Variants in NDST4 observed in about 807,000 individuals in gnomAD.
NDST4 encodes N-heparan sulfate sulfotransferase 4.
In NDST4, 63 loss-of-function variants were observed where a neutral mutation model predicts 100.8. The observed-to-expected ratio is 0.62, with a 90% CI of 0.51 to 0.77. The LOEUF (loss-of-function observed/expected upper bound fraction) is 0.77, where lower values mean the gene tolerates loss of function less well. NDST4 is among the 30% of genes least tolerant of loss of function. The probability of loss-of-function intolerance (pLI) is 0.00; values close to 1 mark genes in which losing one functional copy is unlikely to be tolerated. For synonymous variants in NDST4, 377 were observed against 361.8 expected (o/e 1.04, Z -0.48); for missense variants, 943 against 1,018.4 (o/e 0.93, Z 1.01).
chr4:114,929,723 A>ATTAG (rs1725473399), intron 6 of NDST4, among the ~76,000 whole-genome samples: 3 of 152,248 alleles, frequency 2.0e-5, no homozygotes, highest in Non-Finnish European at 2.9e-5. Context: ...ACATGGAAAT[A>ATTAG]TTAGAAGCCA....
In NDST4 at chr4:115,020,947, C is replaced by T. The variant is rs1385315728; in HGVS notation, c.979-43673G>A. ...GCATGGACGCGGTGAACGGGGAACA[C>T]TTCTACACTGCTGGTGTCAATGTAA... On this transcript the variant is annotated intron_variant, in intron 2 of 13. Transcript: ENST00000264363. Among the ~76,000 whole-genome samples the T allele has an allele frequency of 5.9e-5, 9 of 152,132 alleles. No individual in the cohort carries two copies. The South Asian group carries it at 1.9e-3, about 32-fold the overall frequency.
At chr4:115,103,661 T>A (rs925863172) in intron 1 of NDST4, among the ~76,000 whole-genome samples, 1 of 152,204 alleles carries the variant, frequency 6.6e-6, no homozygotes, top group Non-Finnish European at 1.5e-5. Flanking sequence ...ATTTCACAGG[T>A]AAACCTGCTA....
chr4:115,065,640 T>A (rs1433055737), intron 2 of NDST4, among the ~76,000 whole-genome samples: 2 of 152,084 alleles, frequency 1.3e-5, no homozygotes, highest in Non-Finnish European at 2.9e-5. Flanking sequence ...TTAGTTGGTC[T>A]CCTCAAAACA....
At chr4:114,941,494 A>T (rs1452822095) in intron 4 of NDST4, among the ~76,000 whole-genome samples, 1 of 151,880 alleles carries the variant, frequency 6.6e-6, no homozygotes, top group Non-Finnish European at 1.5e-5. Flanking sequence ...TGCAGCTATC[A>T]TTTTTTTTAT....
chr4:114,998,632 G>A (rs1241342070), intron 2 of NDST4, among the ~76,000 whole-genome samples: 3 of 152,078 alleles, frequency 2.0e-5, no homozygotes, highest in Admixed American at 2.0e-4. Context: ...CATCATCAAA[G>A]TGACATTGCT....
At chr4:114,998,260 C>T (rs115931404) in intron 2 of NDST4, among the ~76,000 whole-genome samples, 1,815 of 152,226 alleles carry the variant, frequency 0.012, 39 homozygotes, top group African/African-American at 0.04. Flanking sequence ...TGTCTATCCC[C>T]AAAGTGAGCA....
intron 1 of NDST4, among the ~76,000 whole-genome samples, chr4:115,085,678 C>T (rs78033528): frequency 0.012 from 1,816 of 152,214 alleles, 35 homozygotes; most frequent in African/African-American, 0.042. Context: ...TAATGAGATG[C>T]CTTCTACCAT....
At chr4:114,993,294 T>C (rs1242694908) in intron 2 of NDST4, among the ~76,000 whole-genome samples, 1 of 151,966 alleles carries the variant, frequency 6.6e-6, no homozygotes, top group Non-Finnish European at 1.5e-5. Flanking sequence ...TTCATCTATT[T>C]GGACAATATC....
intron 1 of NDST4, among the ~76,000 whole-genome samples, chr4:115,100,495 G>A (rs1729708638): frequency 6.6e-6 from 1 of 152,140 alleles, no homozygotes; most frequent in East Asian, 1.9e-4. Flanking sequence ...AAAAGAGCAA[G>A]CTGTTTCATG....
At chr4:114,944,160 G>A (rs1725811321) in intron 4 of NDST4, among the ~76,000 whole-genome samples, 1 of 152,212 alleles carries the variant, frequency 6.6e-6, no homozygotes, top group South Asian at 2.1e-4. Flanking sequence ...AGGGGCCAGA[G>A]TGTGTGAACT....
At chr4:114,885,010 A>T (rs1412183310) in intron 6 of NDST4, among the ~76,000 whole-genome samples, 1 of 151,954 alleles carries the variant, frequency 6.6e-6, no homozygotes, top group Non-Finnish European at 1.5e-5. Flanking sequence ...GTATTTCACC[A>T]TTTTCCCTCC....
intron 7 of NDST4, among the ~76,000 whole-genome samples, chr4:114,867,828 T>A (rs1724067848): frequency 1.3e-5 from 2 of 152,128 alleles, no homozygotes; most frequent in African/African-American, 4.8e-5. Context: ...AGTCTGGGGA[T>A]TGCATTTCAT....
chr4:114,865,054 C>T (rs1055250434), intron 7 of NDST4, among the ~76,000 whole-genome samples: 4 of 150,470 alleles, frequency 2.7e-5, no homozygotes, highest in African/African-American at 5.0e-5. Flanking sequence ...TACTTTGTAG[C>T]GCTATCATTT....
chr4:114,979,754 G>GA (rs147057024), intron 2 of NDST4, among the ~76,000 whole-genome samples: 4,036 of 151,694 alleles, frequency 0.027, 120 homozygotes, highest in African/African-American at 0.067. Flanking sequence ...TTTCATTGTT[G>GA]AAAAAAAGAG....
At chr4:115,047,338 A>T (rs547427) in intron 2 of NDST4, among the ~76,000 whole-genome samples, 40,250 of 151,946 alleles carry the variant, frequency 0.26, 7,759 homozygotes, top group African/African-American at 0.52. Flanking sequence ...AATATTGTTG[A>T]TAAATACTTT....
At chr4:115,059,004 C>CACACACAG (rs540339968) in intron 2 of NDST4, among the ~76,000 whole-genome samples, 7 of 151,776 alleles carry the variant, frequency 4.6e-5, no homozygotes, top group African/African-American at 1.7e-4. Flanking sequence ...CACACACACA[C>CACACACAG]GCTCAAAATT....
At chr4:114,869,058 A>C (rs1369590291) in intron 7 of NDST4, among the ~76,000 whole-genome samples, 2 of 151,100 alleles carry the variant, frequency 1.3e-5, no homozygotes, top group Non-Finnish European at 1.5e-5. Context: ...ATCCACCAGC[A>C]CTGTATTCTA....
chr4:115,066,225 C>A (rs1014311201), intron 2 of NDST4, among the ~76,000 whole-genome samples: 1 of 152,168 alleles, frequency 6.6e-6, no homozygotes, highest in Non-Finnish European at 1.5e-5. Context: ...AAAGGTATTA[C>A]TGGTATGTAT....
At chr4:114,859,962 C>G (rs546394074) in intron 7 of NDST4, among the ~76,000 whole-genome samples, 2 of 152,184 alleles carry the variant, frequency 1.3e-5, no homozygotes, top group Admixed American at 6.5e-5. Flanking sequence ...TATTCATACT[C>G]TATAAAATTA....
Sources: allele counts gnomAD v4.1 joint callset (sites outside exome capture counted in the v4.1 genomes callset), GRCh38; gene constraint gnomAD v4.1.1; transcripts MANE v1.5; gene names NCBI Gene and HGNC (gene_info 2026-07-23, HGNC 2026-07-21).